The following EGFR variants were observed in gnomAD, a reference collection of about 807,000 sequenced individuals.
EGFR encodes epidermal growth factor receptor.
EGFR carries 58 observed loss-of-function variants against 143.0 expected under a neutral mutation model. That is an observed-to-expected ratio of 0.41 (90% CI 0.33 to 0.50). The LOEUF (loss-of-function observed/expected upper bound fraction) is 0.50. Ranked by LOEUF, EGFR falls within the 20% of genes least tolerant of loss-of-function variation. The pLI is 0.39. For synonymous variants in EGFR, 613 were observed against 594.4 expected (o/e 1.03, Z -0.45); for missense variants, 1,307 against 1,579.0 (o/e 0.83, Z 2.92).
chr7:55,209,510 T>C lies in EGFR; in HGVS notation c.*3893T>C, dbSNP rs571294580. ...CCCTCCTTTGTGAGTGAGCTGCTATTCCACGTAGGCAACACCTGTTGAAAT... is the reference window on the plus strand; with the variant it reads ...CCCTCCTTTGTGAGTGAGCTGCTATCCCACGTAGGCAACACCTGTTGAAAT... On this transcript the variant is annotated 3_prime_UTR_variant, in exon 28 of 28. Transcript: ENST00000275493. The C allele has an allele frequency of 6.6e-6, 1 of 152,326 alleles. No homozygotes were observed. The highest frequency in any genetic ancestry group is 1.9e-4 in the East Asian group (1 of 5,182). The allele number at this position is 152,326 out of a possible 1,614,324, so 9.4% of individuals were successfully genotyped here. A position where few individuals can be genotyped will look rare whatever the true frequency, so the allele number is the denominator to read the frequency against.
intron 1 of EGFR, among the ~76,000 whole-genome samples, chr7:55,142,080 T>G (rs969311827): frequency 6.6e-6 from 1 of 152,226 alleles, no homozygotes; most frequent in African/African-American, 2.4e-5. Flanking sequence ...TGCTGTGTCC[T>G]TTAGTGAGAA....
chr7:55,086,236 T>C (rs1001027053), intron 1 of EGFR, among the ~76,000 whole-genome samples: 5 of 152,206 alleles, frequency 3.3e-5, no homozygotes, highest in African/African-American at 4.8e-5. Context: ...AGCCAGGGGC[T>C]TGCACCCCGG....
intron 1 of EGFR, among the ~76,000 whole-genome samples, chr7:55,052,916 G>A (rs1489703218): frequency 6.6e-6 from 1 of 152,154 alleles, no homozygotes; most frequent in Admixed American, 6.5e-5. Flanking sequence ...CTTCATCCAA[G>A]CAGGTCGACT....
chr7:55,166,149 C>T (rs374702468), intron 15 of EGFR, among the ~76,000 whole-genome samples: 37 of 151,486 alleles, frequency 2.4e-4, no homozygotes, highest in Non-Finnish European at 4.4e-4. Context: ...GAAACTCTGT[C>T]GCAAAAAACA....
At chr7:55,117,041 G>A (rs111524119) in intron 1 of EGFR, among the ~76,000 whole-genome samples, 155 of 152,200 alleles carry the variant, frequency 1.0e-3, no homozygotes, top group African/African-American at 3.4e-3. Context: ...GGTACTGGTC[G>A]CTTTAGTAGC....
In EGFR at chr7:55,040,153, C is replaced by T. The variant is rs576600978; in HGVS notation, c.88+20788C>T. On this transcript the variant is annotated intron_variant, in intron 1 of 27. Transcript: ENST00000275493. ...ATTGGAAAGTTTTGCTGCAGGGAGC[C>T]TTGAGTTCTGCATCAGGCTTGGAAG... Among the ~76,000 whole-genome samples the T allele has an allele frequency of 4.0e-3, 603 of 152,246 alleles. 4 individuals are homozygous for T. The highest frequency in any genetic ancestry group is 0.014 in the African/African-American group (568 of 41,564).
intron 1 of EGFR, among the ~76,000 whole-genome samples, chr7:55,053,378 G>C (rs1481905916): frequency 6.6e-6 from 1 of 152,152 alleles, no homozygotes; most frequent in Non-Finnish European, 1.5e-5. Flanking sequence ...TGTGATCTCA[G>C]GTCCAAAGGA....
rs140709349 is a variant in EGFR, at chr7:55,126,886, T to C, written c.89-15400T>C. 2.0e-5 allele frequency among the ~76,000 whole-genome samples: 3 copies of C among 152,268 alleles called. No individual in the cohort carries two copies. The East Asian group carries it at 5.8e-4, about 29-fold the overall frequency. ...GTAGTGTGGATTTTGAGGTAGAAGG[T>C]TTACTAAGGATCATACCGTAGTATG... On this transcript the variant is annotated intron_variant, in intron 1 of 27. Coordinates refer to ENST00000275493, the MANE Select transcript of EGFR (RefSeq NM_005228.5).
chr7:55,085,497 T>A (rs17289260), intron 1 of EGFR, among the ~76,000 whole-genome samples: 28 of 152,336 alleles, frequency 1.8e-4, no homozygotes, highest in South Asian at 8.3e-4. Flanking sequence ...GTCCATGAGA[T>A]GAGGAGTGTT....
chr7:55,143,586 G>T (rs1412143276), intron 3 of EGFR, 98 bp downstream of exon 3: 1 of 1,409,468 alleles, frequency 7.1e-7, no homozygotes, highest in Non-Finnish European at 9.9e-7. Context: ...CTCGGAGAAG[G>T]CTTTTATTTT....
At chr7:55,033,960 G>A (rs1305957752) in intron 1 of EGFR, among the ~76,000 whole-genome samples, 5 of 152,046 alleles carry the variant, frequency 3.3e-5, no homozygotes, top group Non-Finnish European at 5.9e-5. Flanking sequence ...TTACTATGAC[G>A]ACTGTGACTG....
chr7:55,156,577 A>G lies in EGFR; in HGVS notation c.1051A>G (p.Ile351Val), dbSNP rs767790289. The change falls in exon 9 of 28, where the codon ATA becomes GTA. Residue 351 changes from isoleucine to valine, a missense_variant. Around this residue, in one of 7 missense-constraint regions of EGFR, gnomAD observed 15 missense variants for 46.5 expected, o/e 0.32. Transcript: ENST00000275493. ...TGGTGAATTTAAAGACTCACTCTCCATAAATGCTACGAATATTAAACACTT... is the reference window on the plus strand; with the variant it reads ...TGGTGAATTTAAAGACTCACTCTCCGTAAATGCTACGAATATTAAACACTT... ...GIGEFKDSLS[I>V]NATNIKHFKN... 8.5e-5 allele frequency: 138 copies of G among 1,614,134 alleles called. No homozygotes were observed. Among genetic ancestry groups the G allele is most frequent in the Non-Finnish European group, 1.2e-4 (137 of 1,180,058 alleles).
In EGFR at chr7:55,179,545, TG is replaced by T. The variant is rs1003908472; in HGVS notation, c.2284-1745del. On this transcript the variant is annotated intron_variant, in intron 19 of 27. Transcript: ENST00000275493. Reference sequence around the variant, plus strand: ...GAGGGAAGCTCTCCTGGGGAGAAGGTGGGCAGGAGGACCAGAGGCTGGAGGG... The same window carrying T: ...GAGGGAAGCTCTCCTGGGGAGAAGGTGGCAGGAGGACCAGAGGCTGGAGGG... Among the ~76,000 whole-genome samples, 89 of 152,186 alleles carry T rather than the reference TG, an allele frequency of 5.8e-4. 1 individual carries two copies. Among genetic ancestry groups the T allele is most frequent in the African/African-American group, 2.1e-3 (88 of 41,536 alleles).
chr7:55,189,593 G>A (rs1383160852), intron 20 of EGFR, among the ~76,000 whole-genome samples: 3 of 152,222 alleles, frequency 2.0e-5, no homozygotes, highest in Non-Finnish European at 4.4e-5. Context: ...TAATGAATAT[G>A]TAGAAACCAC....
intron 1 of EGFR, among the ~76,000 whole-genome samples, chr7:55,086,632 G>A (rs1379677969): frequency 1.3e-5 from 2 of 152,220 alleles, no homozygotes; most frequent in African/African-American, 2.4e-5. Context: ...GGCGGCCACC[G>A]CTGGCCAGCA....
chr7:55,109,910 C>T (rs1792365413), intron 1 of EGFR: 1 of 985,376 alleles, frequency 1.0e-6, no homozygotes. Context: ...CTGTGGGTTC[C>T]CTCCGGCAGG....
intron 1 of EGFR, among the ~76,000 whole-genome samples, chr7:55,112,198 G>C (rs1020061086): frequency 6.6e-6 from 1 of 152,222 alleles, no homozygotes; most frequent in Non-Finnish European, 1.5e-5. Context: ...TCACCCCTTC[G>C]GGTCTCATTG....
rs114017268 is a variant in EGFR, at chr7:55,149,188, A to C, written c.560-2106A>C. ...GAAAACTTTCAAGTAAAATATGTTAATGGCTACCAGGAAAATATTGTGCAA... is the reference window on the plus strand; with the variant it reads ...GAAAACTTTCAAGTAAAATATGTTACTGGCTACCAGGAAAATATTGTGCAA... On this transcript the variant is annotated intron_variant, in intron 4 of 27. Coordinates refer to ENST00000275493, the MANE Select transcript of EGFR (RefSeq NM_005228.5). 3.8e-3 allele frequency among the ~76,000 whole-genome samples: 575 copies of C among 152,348 alleles called. 4 individuals are homozygous for C. Among genetic ancestry groups the C allele is most frequent in the African/African-American group, 0.011 (439 of 41,584 alleles).
rs771332952 is a variant in EGFR at position 55,192,739 on chromosome 7, C to A, written c.2626-27C>A. On this transcript the variant is annotated intron_variant, in intron 21 of 27. Transcript: ENST00000275493. Reference sequence around the variant, plus strand: ...AACAGAGGGAAACTAATAGTTGTCTCACTGCCTCATCTCTCACCATCCCAA... The same window carrying A: ...AACAGAGGGAAACTAATAGTTGTCTAACTGCCTCATCTCTCACCATCCCAA... The A allele has an allele frequency of 2.1e-5, 34 of 1,603,814 alleles. No homozygotes were observed. The Admixed American group carries it at 3.3e-4, about 16-fold the overall frequency.
Sources: gnomAD v4.1 joint callset for allele counts (sites outside exome capture counted in the v4.1 genomes callset) on GRCh38, gnomAD v4.1.1 for gene constraint, gnomAD v4.1.1 regional missense constraint, MANE v1.5 for transcripts, NCBI Gene and HGNC (gene_info 2026-07-23, HGNC 2026-07-21) for gene names.